HYCC1: variants seen among roughly 807,000 people sequenced by gnomAD.
HYCC1 encodes hyccin.
chr7:22,910,470 C>A, the HYCC1 span, among the ~76,000 whole-genome samples: 1 of 152,150 alleles, frequency 6.6e-6, no homozygotes, highest in Admixed American at 6.6e-5. Flanking sequence ...CCAAATAAAC[C>A]TTTTTCTTTA....
the HYCC1 span, among the ~76,000 whole-genome samples, chr7:22,982,334 T>C: frequency 1.3e-5 from 2 of 152,226 alleles, no homozygotes; most frequent in African/African-American, 4.8e-5. Context: ...TTAAAGTTTT[T>C]TGGCTTGTCA....
chr7:22,931,926 T>C, the HYCC1 span, among the ~76,000 whole-genome samples: 1 of 152,182 alleles, frequency 6.6e-6, no homozygotes, highest in African/African-American at 2.4e-5. Flanking sequence ...TTGCTTCTTA[T>C]AGTATAAATG....
the HYCC1 span, among the ~76,000 whole-genome samples, chr7:22,918,993 A>T: frequency 6.6e-6 from 1 of 152,210 alleles, no homozygotes; most frequent in Non-Finnish European, 1.5e-5. Flanking sequence ...AGCCAATAAC[A>T]AAAACAAGTC....
At chr7:23,013,820 G>A in the HYCC1 span, 1 of 415,658 alleles carries the variant, frequency 2.4e-6, no homozygotes, top group South Asian at 1.7e-5. Context: ...CAAAGTCCCG[G>A]TCCTGTCCTC....
the HYCC1 span, among the ~76,000 whole-genome samples, chr7:23,000,829 A>G: frequency 2.6e-5 from 4 of 152,140 alleles, no homozygotes; most frequent in East Asian, 7.7e-4. Flanking sequence ...CATCTGCATA[A>G]GAAGCCACAT....
chr7:22,943,408 T>C, the HYCC1 span: 1 of 152,178 alleles, frequency 6.6e-6, no homozygotes, highest in Non-Finnish European at 1.5e-5. Context: ...TCTGATTTAG[T>C]AGACCTAGAG....
the HYCC1 span, among the ~76,000 whole-genome samples, chr7:23,009,118 C>T: frequency 3.3e-5 from 5 of 151,960 alleles, no homozygotes; most frequent in African/African-American, 9.6e-5. Flanking sequence ...AAAGAGCTCT[C>T]GTAACTTAGT....
the HYCC1 span, among the ~76,000 whole-genome samples, chr7:22,914,593 G>C: frequency 6.6e-6 from 1 of 152,116 alleles, no homozygotes; most frequent in African/African-American, 2.4e-5. Flanking sequence ...CAAAAAATGG[G>C]CAAATGGTCT....
chr7:22,961,237 G>A, the HYCC1 span: 1 of 1,596,570 alleles, frequency 6.3e-7, no homozygotes, highest in Non-Finnish European at 8.6e-7. Context: ...GCACCTACCA[G>A]CAATGGCTCT....
chr7:22,964,752 A>T, the HYCC1 span, among the ~76,000 whole-genome samples: 1 of 152,180 alleles, frequency 6.6e-6, no homozygotes, highest in Non-Finnish European at 1.5e-5. Context: ...TACACAGAGT[A>T]AATGAACCAG....
At chr7:22,931,132 G>A in the HYCC1 span, among the ~76,000 whole-genome samples, 528 of 151,330 alleles carry the variant, frequency 3.5e-3, 5 homozygotes, top group African/African-American at 0.012. Context: ...ATTAAGATAC[G>A]CCCCAAATCC....
At chr7:22,978,120 C>A in the HYCC1 span, 1 of 717,164 alleles carries the variant, frequency 1.4e-6, no homozygotes, top group Non-Finnish European at 2.4e-6. Flanking sequence ...GTCTCCCAAT[C>A]CCCAGAAAGT....
the HYCC1 span, among the ~76,000 whole-genome samples, chr7:22,950,128 C>G: frequency 6.6e-6 from 1 of 152,084 alleles, no homozygotes; most frequent in East Asian, 1.9e-4. Context: ...CACTGTCTTA[C>G]TGCTGTCCTG....
At chr7:22,916,208 C>T in the HYCC1 span, among the ~76,000 whole-genome samples, 27 of 152,274 alleles carry the variant, frequency 1.8e-4, no homozygotes, top group Middle Eastern at 3.4e-3. Flanking sequence ...TTTTACCATC[C>T]AAAAACCGGA....
At chr7:22,920,511 T>G in the HYCC1 span, among the ~76,000 whole-genome samples, 958 of 152,012 alleles carry the variant, frequency 6.3e-3, 13 homozygotes, top group African/African-American at 0.022. Flanking sequence ...GAATCTTATA[T>G]CTAGCAAAAA....
At chr7:22,990,754 C>T in the HYCC1 span, among the ~76,000 whole-genome samples, 1 of 152,140 alleles carries the variant, frequency 6.6e-6, no homozygotes, top group African/African-American at 2.4e-5. Context: ...AACATTTTGA[C>T]AATGAATCAC....
the HYCC1 span, among the ~76,000 whole-genome samples, chr7:22,956,891 T>C: frequency 6.6e-6 from 1 of 151,946 alleles, no homozygotes; most frequent in Non-Finnish European, 1.5e-5. Flanking sequence ...GAGATGCGTA[T>C]TCTGAAATGT....
chr7:23,007,847 C>A, the HYCC1 span, among the ~76,000 whole-genome samples: 2 of 152,064 alleles, frequency 1.3e-5, no homozygotes, highest in African/African-American at 4.8e-5. Context: ...ACCATATGAT[C>A]ATCTCAAGGT....
At chr7:22,957,692 A>T in the HYCC1 span, among the ~76,000 whole-genome samples, 1 of 151,852 alleles carries the variant, frequency 6.6e-6, no homozygotes, top group Non-Finnish European at 1.5e-5. Context: ...TCCTACTGTG[A>T]GGGTTGGTGT....
Sources: gnomAD v4.1 joint callset for allele counts (sites outside exome capture counted in the v4.1 genomes callset) on GRCh38, gnomAD v4.1.1 for gene constraint, MANE v1.5 for transcripts, NCBI Gene and HGNC (gene_info 2026-07-23, HGNC 2026-07-21) for gene names.